IL1RAPL2: variants seen among roughly 807,000 people sequenced by gnomAD.
The protein encoded by IL1RAPL2 is X-linked interleukin-1 receptor accessory protein-like 2.
IL1RAPL2 carries 3 observed loss-of-function variants against 44.1 expected under a neutral mutation model. That is an observed-to-expected ratio of 0.07 (90% CI 0.03 to 0.18). The LOEUF (loss-of-function observed/expected upper bound fraction) is 0.18, where lower values mean the gene tolerates loss of function less well. Ranked by LOEUF, IL1RAPL2 falls within the 10% of genes least tolerant of loss-of-function variation. IL1RAPL2 has a pLI of 1.00. For synonymous variants in IL1RAPL2, 181 were observed against 178.8 expected (o/e 1.01, Z -0.10); for missense variants, 391 against 496.4 (o/e 0.79, Z 2.02).
At chrX:105,375,540 C>A (rs2035381572) in intron 5 of IL1RAPL2, among the ~76,000 whole-genome samples, 1 of 111,451 alleles carries the variant, frequency 9.0e-6, no homozygotes, top group African/African-American at 3.3e-5. Flanking sequence ...TCAACAACAA[C>A]AAAAAAACCC....
At chrX:105,195,438 C>T (rs2033665274) in intron 2 of IL1RAPL2, 37 bp from the exon 3 acceptor site, 3 of 1,187,240 alleles carry the variant, frequency 2.5e-6, no homozygotes, top group African/African-American at 1.8e-5. Flanking sequence ...GTCAACAATG[C>T]TCACTGTATC....
At chrX:105,019,899 G>C (rs1602894329) in intron 2 of IL1RAPL2, among the ~76,000 whole-genome samples, 1 of 111,381 alleles carries the variant, frequency 9.0e-6, no homozygotes, top group East Asian at 2.9e-4. Flanking sequence ...TCAGGGGAAA[G>C]GTCCCAGATT....
At chrX:105,459,898 AAAT>A (rs2036081510) in intron 5 of IL1RAPL2, among the ~76,000 whole-genome samples, 1 of 111,661 alleles carries the variant, frequency 9.0e-6, no homozygotes, top group South Asian at 3.7e-4. Context: ...CACGGGGAAA[AAAT>A]TAGTTGGCAA....
intron 1 of IL1RAPL2, among the ~76,000 whole-genome samples, chrX:104,649,100 G>T (rs773381003): frequency 1.8e-5 from 2 of 108,773 alleles, no homozygotes; most frequent in Non-Finnish European, 3.8e-5. Flanking sequence ...TCTCCTCTAC[G>T]ATTTTTTTCC....
intron 1 of IL1RAPL2, among the ~76,000 whole-genome samples, chrX:104,635,946 GCT>G (rs1269641502): frequency 9.0e-6 from 1 of 111,684 alleles, no homozygotes; most frequent in East Asian, 2.8e-4. Context: ...CAGTTTTTCT[GCT>G]CTGTTTTTTC....
chrX:105,317,903 T>C, intron 5 of IL1RAPL2, among the ~76,000 whole-genome samples: 1 of 110,934 alleles, frequency 9.0e-6, no homozygotes, highest in Non-Finnish European at 1.9e-5. Flanking sequence ...TTCACACAGG[T>C]AGCATTAGAG....
At chrX:104,569,089 A>G (rs1203804420) in intron 1 of IL1RAPL2, among the ~76,000 whole-genome samples, 3 of 112,219 alleles carry the variant, frequency 2.7e-5, no homozygotes, top group African/African-American at 9.7e-5. Context: ...GCAAGTTGCG[A>G]CCAAAGCTGC....
intron 2 of IL1RAPL2, among the ~76,000 whole-genome samples, chrX:105,160,512 T>G (rs904036229): frequency 9.0e-6 from 1 of 111,498 alleles, no homozygotes; most frequent in Admixed American, 9.6e-5. Flanking sequence ...TGCTCATATA[T>G]TTAGAGGCCT....
chrX:105,201,978 G>T (rs918538002), intron 3 of IL1RAPL2, among the ~76,000 whole-genome samples: 1 of 111,672 alleles, frequency 9.0e-6, no homozygotes, highest in South Asian at 3.7e-4. Context: ...ATAAGCAGGG[G>T]TCTCTGATTC....
intron 6 of IL1RAPL2, among the ~76,000 whole-genome samples, chrX:105,571,795 A>G (rs2037015983): frequency 9.0e-6 from 1 of 111,519 alleles, no homozygotes; most frequent in Non-Finnish European, 1.9e-5. Flanking sequence ...ATTGAGAGAT[A>G]AGAGCATTGA....
At chrX:105,168,414 G>GGTGTGTGTGTGTGTGT (rs57882187) in intron 2 of IL1RAPL2, among the ~76,000 whole-genome samples, 3 of 89,358 alleles carry the variant, frequency 3.4e-5, no homozygotes, top group African/African-American at 9.3e-5. Context: ...AACCATAGGA[G>GGTGTGTGTGTGTGTGT]GTGTGTGTGT....
intron 2 of IL1RAPL2, among the ~76,000 whole-genome samples, chrX:104,857,489 G>A (rs986711656): frequency 1.8e-5 from 2 of 111,814 alleles, no homozygotes; most frequent in African/African-American, 6.5e-5. Flanking sequence ...CCTCTAAAAA[G>A]AACATGCAAT....
At chrX:104,848,448 TATAA>T (rs1158467818) in intron 2 of IL1RAPL2, among the ~76,000 whole-genome samples, 5 of 88,258 alleles carry the variant, frequency 5.7e-5, no homozygotes, top group African/African-American at 2.2e-4. Context: ...TATATATATA[TATAA>T]CTTAAACAAT....
intron 2 of IL1RAPL2, among the ~76,000 whole-genome samples, chrX:104,845,538 G>C (rs919939242): frequency 2.9e-4 from 33 of 112,113 alleles, no homozygotes; most frequent in African/African-American, 9.1e-4. Flanking sequence ...TTGGCTACAA[G>C]GATCAATAAC....
At chrX:105,643,018 G>A (rs1207965285) in intron 6 of IL1RAPL2, among the ~76,000 whole-genome samples, 2 of 112,698 alleles carry the variant, frequency 1.8e-5, no homozygotes, top group East Asian at 2.8e-4. Flanking sequence ...AAGCCTCAGC[G>A]TGCAACCAAA....
chrX:105,345,942 A>G (rs975923864), intron 5 of IL1RAPL2, among the ~76,000 whole-genome samples: 4 of 112,023 alleles, frequency 3.6e-5, no homozygotes, highest in Admixed American at 1.9e-4. Context: ...TTTGAAGCTC[A>G]GGGCATATCT....
chrX:105,468,220 G>GA (rs1450569730), intron 5 of IL1RAPL2, among the ~76,000 whole-genome samples: 25 of 112,011 alleles, frequency 2.2e-4, no homozygotes, highest in African/African-American at 7.8e-4. Flanking sequence ...TGGTGGAAGA[G>GA]AAAATGGTAT....
At position 105,240,287 on chromosome X, in the gene IL1RAPL2, C is replaced by G. The variant is rs145352900; in HGVS notation, c.543+6283C>G. ...TTGTTTCTCCAATTTAGGTGCGTAG[C>G]ACTGATAACTGATGGGTTATCATAG... On this transcript the variant is annotated intron_variant, in intron 4 of 10. Transcript: ENST00000372582. Among the ~76,000 whole-genome samples, 350 of 112,711 alleles carry G rather than the reference C, an allele frequency of 3.1e-3. 2 individuals are homozygous for G. Among genetic ancestry groups the G allele is most frequent in the African/African-American group, 0.011 (341 of 31,012 alleles).
chrX:104,961,258 C>T (rs894128814), intron 2 of IL1RAPL2, among the ~76,000 whole-genome samples: 2 of 111,594 alleles, frequency 1.8e-5, no homozygotes, highest in African/African-American at 6.5e-5. Context: ...AAAGAAGCAG[C>T]CAGAGGTCAA....
Sources: gnomAD v4.1 joint callset for allele counts (sites outside exome capture counted in the v4.1 genomes callset) on GRCh38, gnomAD v4.1.1 for gene constraint, MANE v1.5 for transcripts, NCBI Gene and HGNC (gene_info 2026-07-23, HGNC 2026-07-21) for gene names.